FSTL4: variants seen among roughly 807,000 people sequenced by gnomAD.
The protein encoded by FSTL4 is follistatin-related protein 4.
Under a neutral mutation model 78.2 loss-of-function variants are expected in FSTL4, and 28 were observed. The observed-to-expected ratio is 0.36, with a 90% CI of 0.27 to 0.49. The LOEUF is 0.49. Ranked by LOEUF, FSTL4 falls within the 20% of genes least tolerant of loss-of-function variation. The probability of loss-of-function intolerance (pLI) is 0.98; values close to 1 mark genes in which losing one functional copy is unlikely to be tolerated. For missense variants in FSTL4, 922 were observed against 1,084.9 expected (o/e 0.85, Z 2.11); for synonymous variants, 422 against 440.5 (o/e 0.96, Z 0.53).
chr5:133,221,860 A>G (rs1201569969), intron 11 of FSTL4, among the ~76,000 whole-genome samples: 12 of 128,934 alleles, frequency 9.3e-5, no homozygotes, highest in Admixed American at 8.5e-5. Flanking sequence ...TGTAAATTCT[A>G]GGGTAAATAT....
chr5:133,484,744 A>G (rs1758098946), intron 3 of FSTL4, among the ~76,000 whole-genome samples: 1 of 152,188 alleles, frequency 6.6e-6, no homozygotes, highest in African/African-American at 2.4e-5. Flanking sequence ...CAGGGTCAGG[A>G]CACTTGAAAT....
At chr5:133,308,698 ATC>A (rs1383598057) in intron 6 of FSTL4, among the ~76,000 whole-genome samples, 1 of 152,230 alleles carries the variant, frequency 6.6e-6, no homozygotes, top group Admixed American at 6.5e-5. Context: ...TGACCATATC[ATC>A]TGTTTCATAG....
At chr5:133,710,699 T>C in the FSTL4 span, among the ~76,000 whole-genome samples, 1 of 152,362 alleles carries the variant, frequency 6.6e-6, no homozygotes, top group African/African-American at 2.4e-5. Context: ...GCCTAGGCAC[T>C]TGGCTGTGCA....
At chr5:133,579,989 G>A (rs112342718) in intron 2 of FSTL4, among the ~76,000 whole-genome samples, 3 of 152,282 alleles carry the variant, frequency 2.0e-5, no homozygotes, top group African/African-American at 7.2e-5. Flanking sequence ...TGCAAGTGGC[G>A]TCTGATTGGG....
the FSTL4 span, among the ~76,000 whole-genome samples, chr5:133,770,789 A>G: frequency 6.6e-6 from 1 of 151,992 alleles, no homozygotes; most frequent in African/African-American, 2.4e-5. Flanking sequence ...ACCTGGTCGT[A>G]AATTCTTTGC....
At chr5:133,777,134 T>C in the FSTL4 span, among the ~76,000 whole-genome samples, 6 of 152,122 alleles carry the variant, frequency 3.9e-5, no homozygotes, top group Non-Finnish European at 7.3e-5. Flanking sequence ...CCTAGGCAAA[T>C]AGATATCACT....
the FSTL4 span, among the ~76,000 whole-genome samples, chr5:133,779,054 G>A: frequency 6.6e-6 from 1 of 152,194 alleles, no homozygotes; most frequent in Non-Finnish European, 1.5e-5. Flanking sequence ...GACCACCAGT[G>A]GCCCATAGTA....
At chr5:133,610,451 T>C (rs1418289173) in intron 1 of FSTL4, among the ~76,000 whole-genome samples, 1 of 152,220 alleles carries the variant, frequency 6.6e-6, no homozygotes, top group Non-Finnish European at 1.5e-5. Context: ...TGCCTTTTTT[T>C]CCTAGGATGG....
intron 2 of FSTL4, among the ~76,000 whole-genome samples, chr5:133,588,073 G>C (rs1490914510): frequency 2.4e-5 from 2 of 84,066 alleles, no homozygotes; most frequent in Non-Finnish European, 5.2e-5. Flanking sequence ...GGGAAAACTG[G>C]CTAGCCATAT....
At chr5:133,366,780 G>A (rs74672699) in intron 4 of FSTL4, among the ~76,000 whole-genome samples, 2,613 of 151,754 alleles carry the variant, frequency 0.017, 22 homozygotes, top group Middle Eastern at 0.048. Flanking sequence ...GCACAAGGCG[G>A]CATCCTAATT....
At chr5:133,609,737 C>CT (rs1256550036) in intron 1 of FSTL4, among the ~76,000 whole-genome samples, 1 of 152,216 alleles carries the variant, frequency 6.6e-6, no homozygotes, top group Admixed American at 6.5e-5. Flanking sequence ...ATCTCTATTC[C>CT]TATTTACTCT....
chr5:133,725,754 G>T, the FSTL4 span, among the ~76,000 whole-genome samples: 3 of 152,076 alleles, frequency 2.0e-5, no homozygotes, highest in African/African-American at 7.2e-5. Context: ...GGTGTGTGTG[G>T]GACCAAAGCT....
rs1416216810 is a variant in FSTL4, at chr5:133,301,939, C to T, written c.727+10715G>A. On this transcript the variant is annotated intron_variant, in intron 6 of 15. Coordinates refer to ENST00000265342, the MANE Select transcript of FSTL4 (RefSeq NM_015082.2). Reference sequence around the variant, plus strand: ...GGCGACCAAACTGCTGAGCGGTCCTCAGCTCATCACCCTCCTCAGCCCACA... The same window carrying T: ...GGCGACCAAACTGCTGAGCGGTCCTTAGCTCATCACCCTCCTCAGCCCACA... Among the ~76,000 whole-genome samples, 3 of 152,126 alleles carry T rather than the reference C, an allele frequency of 2.0e-5. No homozygotes were observed. In the East Asian group the frequency reaches 5.8e-4, roughly 29 times the overall value.
the FSTL4 span, among the ~76,000 whole-genome samples, chr5:133,736,934 A>C: frequency 6.6e-6 from 1 of 152,272 alleles, no homozygotes; most frequent in South Asian, 2.1e-4. Flanking sequence ...CTTTTTTAAA[A>C]AAATGTTTGT....
At chr5:133,760,209 A>G in the FSTL4 span, among the ~76,000 whole-genome samples, 1 of 152,146 alleles carries the variant, frequency 6.6e-6, no homozygotes, top group Non-Finnish European at 1.5e-5. Context: ...GCCAGCCTTG[A>G]CTGCAAGTCC....
the FSTL4 span, among the ~76,000 whole-genome samples, chr5:133,729,758 A>G: frequency 6.6e-6 from 1 of 152,196 alleles, no homozygotes; most frequent in African/African-American, 2.4e-5. Context: ...TTTCAAGAGT[A>G]TAAGATTCAG....
the FSTL4 span, among the ~76,000 whole-genome samples, chr5:133,819,459 C>G: frequency 6.6e-6 from 1 of 152,198 alleles, no homozygotes; most frequent in Non-Finnish European, 1.5e-5. Context: ...CCTCTCTGAC[C>G]TCCTGGAACC....
upstream of FSTL4, among the ~76,000 whole-genome samples, chr5:133,617,245 G>T (rs1316212724): frequency 6.8e-6 from 1 of 146,362 alleles, no homozygotes; most frequent in Non-Finnish European, 1.5e-5. Flanking sequence ...GTTGCAGTGA[G>T]CCGAGGTCGT....
intron 5 of FSTL4, 118 bp from the exon 6 acceptor site, chr5:133,312,895 A>T (rs1753821077): frequency 1.2e-6 from 1 of 844,304 alleles, no homozygotes; most frequent in Non-Finnish European, 1.8e-6. Context: ...CTTGAGGGGT[A>T]CCTGAAGCTC....
Sources: allele counts gnomAD v4.1 joint callset (sites outside exome capture counted in the v4.1 genomes callset), GRCh38; gene constraint gnomAD v4.1.1; transcripts MANE v1.5; gene names NCBI Gene and HGNC (gene_info 2026-07-23, HGNC 2026-07-21).